SPHKAP: variants seen among roughly 807,000 people sequenced by gnomAD.
SPHKAP encodes the protein A-kinase anchor protein SPHKAP.
Under a neutral mutation model 137.5 loss-of-function variants are expected in SPHKAP, and 67 were observed. The observed-to-expected ratio is 0.49, with a 90% CI of 0.40 to 0.60. The LOEUF is 0.60. SPHKAP is among the 20% of genes least tolerant of loss of function. SPHKAP has a pLI of 0.00. For synonymous variants in SPHKAP, 813 were observed against 785.3 expected, an observed-to-expected ratio of 1.04 and a Z score of -0.59; for missense variants, 2,097 against 2,069.3, an observed-to-expected ratio of 1.01 and a Z score of -0.26.
intron 7 of SPHKAP, among the ~76,000 whole-genome samples, chr2:228,006,746 T>A (rs1574736371): frequency 6.6e-6 from 1 of 152,230 alleles, no homozygotes; most frequent in East Asian, 1.9e-4. Flanking sequence ...GTTTGTTAGT[T>A]TTCCTTTTAA....
intron 1 of SPHKAP, among the ~76,000 whole-genome samples, chr2:228,161,697 A>ATAAAT (rs1700280258): frequency 1.2e-5 from 1 of 80,010 alleles, no homozygotes; most frequent in Non-Finnish European, 2.4e-5. Flanking sequence ...CCTTGGAACT[A>ATAAAT]AAAATAGAAC....
chr2:228,041,664 A>G (rs1695854133), intron 3 of SPHKAP, among the ~76,000 whole-genome samples: 1 of 144,796 alleles, frequency 6.9e-6, no homozygotes, highest in Non-Finnish European at 1.5e-5. Context: ...AAAAAAAAAA[A>G]AGAAAAAAGA....
Position 228,017,019 on chromosome 2 carries a change from T to C in SPHKAP, c.3835A>G (p.Ser1279Gly). 3.1e-6 allele frequency: 5 copies of C among 1,614,180 alleles called. No homozygotes were observed. Among genetic ancestry groups the C allele is most frequent in the Non-Finnish European group, 2.5e-6 (3 of 1,180,018 alleles). The change falls in exon 7 of 12, where the codon AGC (serine) becomes GGC (glycine). Residue 1279 changes from serine to glycine, a missense_variant. Ser to Gly is a moderately conservative substitution (Grantham distance 56). Transcript: ENST00000392056. ...QDFLSVQPVS[S>G]ASSSGLCKSD... Reference sequence around the variant, plus strand: ...TTGCAGAGACCGGATGAGGACGCGCTACTGACCGGCTGCACGCTTAGGAAA... The same window carrying C: ...TTGCAGAGACCGGATGAGGACGCGCCACTGACCGGCTGCACGCTTAGGAAA...
chr2:228,141,092 C>T (rs532575500), intron 1 of SPHKAP, among the ~76,000 whole-genome samples: 44 of 152,212 alleles, frequency 2.9e-4, no homozygotes, highest in African/African-American at 8.9e-4. Flanking sequence ...TGTTATTTTC[C>T]GCTGTGATCT....
chr2:228,046,182 C>G (rs1000870244), intron 3 of SPHKAP, among the ~76,000 whole-genome samples: 1 of 151,674 alleles, frequency 6.6e-6, no homozygotes, highest in Non-Finnish European at 1.5e-5. Flanking sequence ...AAGGTGTATA[C>G]CCTGAATATA....
chr2:228,036,630 A>G (rs1695611264), intron 3 of SPHKAP, among the ~76,000 whole-genome samples: 1 of 152,030 alleles, frequency 6.6e-6, no homozygotes, highest in Admixed American at 6.6e-5. Flanking sequence ...CTTGGAACCA[A>G]CCCAAATGTC....
chr2:228,077,053 G>C (rs539684916), intron 3 of SPHKAP, among the ~76,000 whole-genome samples: 2 of 152,196 alleles, frequency 1.3e-5, no homozygotes, highest in East Asian at 3.9e-4. Flanking sequence ...TGCTTCAGAG[G>C]GTGCAAGCCT....
intron 7 of SPHKAP, among the ~76,000 whole-genome samples, chr2:228,007,967 A>G (rs1260008410): frequency 1.3e-5 from 2 of 152,184 alleles, no homozygotes; most frequent in Non-Finnish European, 2.9e-5. Context: ...CTAGAAGAAA[A>G]CATAGCTGAA....
intron 3 of SPHKAP, among the ~76,000 whole-genome samples, chr2:228,064,967 A>G (rs1452688064): frequency 1.3e-5 from 2 of 152,320 alleles, no homozygotes; most frequent in East Asian, 1.9e-4. Context: ...GATGGGGTAC[A>G]TTATTTTCCC....
chr2:228,004,598 T>C (rs1459425201), intron 7 of SPHKAP, among the ~76,000 whole-genome samples: 1 of 152,126 alleles, frequency 6.6e-6, no homozygotes, highest in African/African-American at 2.4e-5. Context: ...CCTTCTGCTA[T>C]CTTTTGCATG....
At chr2:227,991,809 T>C (rs1241992739) in intron 9 of SPHKAP, 1 of 548,844 alleles carries the variant, frequency 1.8e-6, no homozygotes, top group East Asian at 1.5e-4. Context: ...TAATTTTACA[T>C]GTATATGGTT....
At chr2:228,091,366 T>A (rs140087048) in intron 3 of SPHKAP, among the ~76,000 whole-genome samples, 1 of 152,266 alleles carries the variant, frequency 6.6e-6, no homozygotes, top group African/African-American at 2.4e-5. Flanking sequence ...GGCAAAGACC[T>A]CATGACCAAC....
At chr2:228,122,796 G>A (rs1180281687) in intron 2 of SPHKAP, among the ~76,000 whole-genome samples, 2 of 152,190 alleles carry the variant, frequency 1.3e-5, no homozygotes, top group Admixed American at 1.3e-4. Context: ...GCATACAGAG[G>A]TTTTCTTAGA....
chr2:228,000,251 G>A (rs1229977157), intron 7 of SPHKAP, among the ~76,000 whole-genome samples: 2 of 152,162 alleles, frequency 1.3e-5, no homozygotes, highest in Non-Finnish European at 2.9e-5. Context: ...AGGCCAAGGC[G>A]GGTGGATCAC....
At chr2:228,068,716 C>T (rs1696909357) in intron 3 of SPHKAP, among the ~76,000 whole-genome samples, 1 of 152,174 alleles carries the variant, frequency 6.6e-6, no homozygotes, top group Admixed American at 6.5e-5. Flanking sequence ...AGACTTAAAT[C>T]TAAGACTGGA....
intron 11 of SPHKAP, among the ~76,000 whole-genome samples, chr2:227,984,315 AAAAG>A (rs1488293247): frequency 0.015 from 2,266 of 150,802 alleles, 60 homozygotes; most frequent in African/African-American, 0.051. Flanking sequence ...AAAAAAAAAA[AAAAG>A]AAAGAAAGAA....
chr2:228,177,381 G>A (rs1168377076), intron 1 of SPHKAP, among the ~76,000 whole-genome samples: 1 of 152,084 alleles, frequency 6.6e-6, no homozygotes, highest in Non-Finnish European at 1.5e-5. Flanking sequence ...GAGACTTGGG[G>A]AATGTGCCCA....
In SPHKAP at chr2:228,016,516, G is replaced by A. The variant is rs1340900887; in HGVS notation, c.4338C>T (p.Phe1446=). The A allele has an allele frequency of 6.2e-7, 1 of 1,614,042 alleles. No homozygotes were observed. The highest frequency in any genetic ancestry group is 8.5e-7 in the Non-Finnish European group (1 of 1,180,020). The change falls in exon 7 of 12, where the codon TTC becomes TTT. Residue 1446 remains phenylalanine, a synonymous_variant. Coordinates refer to ENST00000392056, the MANE Select transcript of SPHKAP (RefSeq NM_001142644.2). ...REACAGEPEP[F]LSKSSLLEEA... The stretch of plus-strand genomic sequence containing the variant: ...CCTCTAGGAGGCTGCTTTTGGAAAG[G>A]AAGGGTTCAGGTTCCCCAGCACAGG...
intron 2 of SPHKAP, among the ~76,000 whole-genome samples, chr2:228,124,489 A>T (rs1174816216): frequency 6.6e-6 from 1 of 151,200 alleles, no homozygotes; most frequent in East Asian, 2.0e-4. Flanking sequence ...AAGGACAAAA[A>T]ACCAAACACC....
Sources: allele counts gnomAD v4.1 joint callset (sites outside exome capture counted in the v4.1 genomes callset), GRCh38; gene constraint gnomAD v4.1.1; transcripts MANE v1.5; gene names NCBI Gene and HGNC (gene_info 2026-07-23, HGNC 2026-07-21).